The following FAM53A variants were observed in gnomAD, a reference collection of about 807,000 sequenced individuals.
FAM53A encodes the protein protein FAM53A.
A neutral mutation model predicts 26.6 loss-of-function variants in FAM53A; 28 were observed. The ratio of observed to expected loss-of-function variants is 1.05; its 90% CI spans 0.78 to 1.45. The LOEUF is 1.45. FAM53A is among the 40% of genes most tolerant of loss of function. The pLI is 0.00. For missense variants in FAM53A, 650 were observed against 575.8 expected, an observed-to-expected ratio of 1.13 and a Z score of -1.32; for synonymous variants, 290 against 253.1, an observed-to-expected ratio of 1.15 and a Z score of -1.38.
At chr4:1,622,073 C>T (rs1029107022) in intron 1 of FAM53A, among the ~76,000 whole-genome samples, 1 of 152,200 alleles carries the variant, frequency 6.6e-6, no homozygotes, top group Non-Finnish European at 1.5e-5. Flanking sequence ...CACCTGACGA[C>T]ACAGCAAGAG....
rs547980484 is a variant in FAM53A, at chr4:1,624,364, G to T, written c.432-6253C>A. ...ACAGGTATCCCTGCTTCATAGTGGA[G>T]AAACTGAGGCTCTGAGGGGGACTGG... On this transcript the variant is annotated intron_variant, in intron 1 of 1. Transcript: ENST00000489029. Among the ~76,000 whole-genome samples, 8 of 152,326 alleles carry T rather than the reference G, an allele frequency of 5.3e-5. No individual in the cohort carries two copies. The South Asian group carries it at 1.7e-3, about 32-fold the overall frequency.
At chr4:1,631,493 G>C (rs758371023) in intron 1 of FAM53A, among the ~76,000 whole-genome samples, 1 of 152,128 alleles carries the variant, frequency 6.6e-6, no homozygotes, top group Non-Finnish European at 1.5e-5. Context: ...TGTGTCCCCC[G>C]CTGCCTGGGA....
intron 1 of FAM53A, chr4:1,618,225 C>T (rs1714880909): frequency 4.5e-6 from 2 of 448,348 alleles, no homozygotes; most frequent in Non-Finnish European, 9.0e-6. Flanking sequence ...GCCCGAAGGC[C>T]CATCACGGCA....
chr4:1,632,018 T>C (rs988321285), intron 1 of FAM53A, among the ~76,000 whole-genome samples: 1 of 151,782 alleles, frequency 6.6e-6, no homozygotes, highest in African/African-American at 2.4e-5. Flanking sequence ...CAAAAAATTA[T>C]AGGGGTGTGG....
intron 1 of FAM53A, among the ~76,000 whole-genome samples, chr4:1,634,534 T>C (rs1715752309): frequency 6.6e-6 from 1 of 152,242 alleles, no homozygotes; most frequent in Non-Finnish European, 1.5e-5. Flanking sequence ...GTCTTTTTTT[T>C]CCATTCTCTG....
chr4:1,621,636 G>A (rs35793479), intron 1 of FAM53A, among the ~76,000 whole-genome samples: 36,058 of 152,158 alleles, frequency 0.24, 5,146 homozygotes, highest in Admixed American at 0.35. Context: ...CCTGTCCCAG[G>A]TCACGGAGGC....
At chr4:1,632,578 G>T (rs538256039) in intron 1 of FAM53A, among the ~76,000 whole-genome samples, 1 of 152,242 alleles carries the variant, frequency 6.6e-6, no homozygotes, top group African/African-American at 2.4e-5. Context: ...CATTCGTGAC[G>T]TTTTATCATC....
At chr4:1,590,987 T>C in the FAM53A span, among the ~76,000 whole-genome samples, 6 of 132,644 alleles carry the variant, frequency 4.5e-5, no homozygotes, top group African/African-American at 1.5e-4. Flanking sequence ...TATATATATA[T>C]ATATATATAT....
the FAM53A span, among the ~76,000 whole-genome samples, chr4:1,611,862 G>A: frequency 2.3e-4 from 35 of 152,352 alleles, no homozygotes; most frequent in African/African-American, 7.5e-4. Context: ...CTGTCCGGCC[G>A]AGCAGCTACC....
At chr4:1,577,705 G>C in the FAM53A span, among the ~76,000 whole-genome samples, 1 of 152,226 alleles carries the variant, frequency 6.6e-6, no homozygotes, top group Non-Finnish European at 1.5e-5. Context: ...TTATAATTAT[G>C]CGCGGCGCTC....
At chr4:1,590,999 T>G in the FAM53A span, among the ~76,000 whole-genome samples, 1 of 127,478 alleles carries the variant, frequency 7.8e-6, no homozygotes, top group African/African-American at 3.3e-5. Context: ...TATATATATA[T>G]ATAATCATTC....
chr4:1,655,435 G>C lies in FAM53A; in HGVS notation c.425C>G (p.Ser142Cys), dbSNP rs749429680. 6.6e-7 allele frequency: 1 copy of C among 1,513,902 alleles called. No individual in the cohort carries two copies. The highest frequency in any genetic ancestry group is 1.3e-5 in the South Asian group (1 of 77,214). The allele number at this position is 1,513,902 out of a possible 1,614,324, so 93.8% of individuals were successfully genotyped here. Residue 142 changes from serine to cysteine, a missense_variant, in exon 4 of 5, where the codon TCC becomes TGC. By Grantham distance (112) the Ser-to-Cys change is moderately radical. Transcript: ENST00000308132. ...CTTGGAGACTGGAGTCCAGACCTTG[G>C]AGCTGCCGGGGCGCCAGGGGGACCG... The part of the protein sequence containing the change: ...RCRSPWRPGS[S>C]KVWTPVSKRR...
chr4:1,642,110 C>T (rs1287517149), intron 4 of FAM53A, among the ~76,000 whole-genome samples: 1 of 152,134 alleles, frequency 6.6e-6, no homozygotes, highest in Non-Finnish European at 1.5e-5. Flanking sequence ...CCTCCACCTG[C>T]CCCCATAAGG....
intron 1 of FAM53A, among the ~76,000 whole-genome samples, chr4:1,621,894 C>A (rs1321940215): frequency 6.6e-6 from 1 of 152,202 alleles, no homozygotes; most frequent in Non-Finnish European, 1.5e-5. Flanking sequence ...AAACCTGATC[C>A]CCACAGTGGT....
At chr4:1,613,096 GGAAAACA>G (rs1418306608), downstream of FAM53A, among the ~76,000 whole-genome samples, 2 of 152,186 alleles carry the variant, frequency 1.3e-5, no homozygotes, top group African/African-American at 2.4e-5. Flanking sequence ...AAGCTACTCG[GGAAAACA>G]GAGAACAGAG....
chr4:1,598,233 C>G, the FAM53A span, among the ~76,000 whole-genome samples: 1 of 152,258 alleles, frequency 6.6e-6, no homozygotes, highest in African/African-American at 2.4e-5. Context: ...CACCGAGGCC[C>G]TGGGCGGTGG....
At chr4:1,586,885 A>G in the FAM53A span, among the ~76,000 whole-genome samples, 1 of 151,980 alleles carries the variant, frequency 6.6e-6, no homozygotes, top group Non-Finnish European at 1.5e-5. Flanking sequence ...TTTTCTCCAC[A>G]TCCTCACCAA....
upstream of FAM53A, among the ~76,000 whole-genome samples, chr4:1,684,828 G>A (rs79825628): frequency 0.12 from 18,669 of 152,254 alleles, 1,587 homozygotes; most frequent in Non-Finnish European, 0.19. Flanking sequence ...TGTGAATTAG[G>A]CCCTCGCTCA....
chr4:1,585,270 CTCTCTCTTT>C, the FAM53A span, among the ~76,000 whole-genome samples: 3 of 98,314 alleles, frequency 3.1e-5, no homozygotes, highest in Non-Finnish European at 6.8e-5. Flanking sequence ...CTCTCTCTCT[CTCTCTCTTT>C]TTTTTTTTTT....
Sources: gnomAD v4.1 joint callset for allele counts (sites outside exome capture counted in the v4.1 genomes callset) on GRCh38, gnomAD v4.1.1 for gene constraint, MANE v1.5 for transcripts, NCBI Gene and HGNC (gene_info 2026-07-23, HGNC 2026-07-21) for gene names.